Variants in SGCZ observed in about 807,000 individuals in gnomAD.
SGCZ encodes zeta-sarcoglycan.
A neutral mutation model predicts 41.3 loss-of-function variants in SGCZ; 40 were observed. The observed-to-expected ratio is 0.97, with a 90% CI of 0.75 to 1.26. SGCZ has a LOEUF of 1.26. Ranked by LOEUF, SGCZ falls within the 50% of genes most tolerant of loss-of-function variation. The pLI, the probability that SGCZ is intolerant of heterozygous loss-of-function variation, is 0.00. For missense variants in SGCZ, 552 were observed against 369.8 expected, an observed-to-expected ratio of 1.49 and a Z score of -4.04; for synonymous variants, 206 against 137.5, an observed-to-expected ratio of 1.50 and a Z score of -3.49.
chr8:14,821,528 G>T (rs1182228317), intron 1 of SGCZ, among the ~76,000 whole-genome samples: 1 of 151,698 alleles, frequency 6.6e-6, no homozygotes, highest in Non-Finnish European at 1.5e-5. Flanking sequence ...TATAATATAG[G>T]CTAATATCCC....
chr8:14,563,426 C>G (rs1804267543), intron 1 of SGCZ, among the ~76,000 whole-genome samples: 1 of 152,100 alleles, frequency 6.6e-6, no homozygotes, highest in South Asian at 2.1e-4. Flanking sequence ...AGAAAAAAGT[C>G]GTTAAGGAAA....
At chr8:15,236,726 G>C (rs1043067224) in intron 1 of SGCZ, among the ~76,000 whole-genome samples, 1 of 152,180 alleles carries the variant, frequency 6.6e-6, no homozygotes, top group Non-Finnish European at 1.5e-5. Flanking sequence ...ATAGGCAGAG[G>C]GGCGCGTTGT....
chr8:14,542,075 G>C (rs949756309), intron 2 of SGCZ, among the ~76,000 whole-genome samples: 2 of 152,142 alleles, frequency 1.3e-5, no homozygotes, highest in Non-Finnish European at 2.9e-5. Context: ...CTCCCATTCT[G>C]TAGGTTGCCT....
chr8:14,436,010 T>C (rs1800080254), intron 2 of SGCZ, among the ~76,000 whole-genome samples: 1 of 152,098 alleles, frequency 6.6e-6, no homozygotes, highest in Non-Finnish European at 1.5e-5. Context: ...ATAAAGGAAG[T>C]AGGATTACTA....
chr8:14,544,552 G>A (rs1803566633), intron 2 of SGCZ, among the ~76,000 whole-genome samples: 1 of 152,032 alleles, frequency 6.6e-6, no homozygotes, highest in African/African-American at 2.4e-5. Context: ...CCCTGGGAAA[G>A]GAATGCGTTC....
At chr8:14,458,594 T>C (rs11992616) in intron 2 of SGCZ, among the ~76,000 whole-genome samples, 6,225 of 152,248 alleles carry the variant, frequency 0.041, 401 homozygotes, top group African/African-American at 0.14. Context: ...GTTTTAAAAA[T>C]ACAGATAAAT....
At chr8:14,724,330 CT>C (rs1183206651) in intron 1 of SGCZ, among the ~76,000 whole-genome samples, 2 of 150,220 alleles carry the variant, frequency 1.3e-5, no homozygotes, top group Admixed American at 1.3e-4. Flanking sequence ...TATATGTGTT[CT>C]AATTATTTTT....
At chr8:15,064,262 C>A (rs75408224) in intron 1 of SGCZ, among the ~76,000 whole-genome samples, 10,168 of 152,102 alleles carry the variant, frequency 0.067, 483 homozygotes, top group African/African-American at 0.12. Context: ...ACATATGAAG[C>A]AGAATTCATC....
chr8:14,174,825 C>T (rs1331693899), intron 4 of SGCZ, among the ~76,000 whole-genome samples: 2 of 152,068 alleles, frequency 1.3e-5, no homozygotes, highest in African/African-American at 4.8e-5. Context: ...ACAAAGGTGT[C>T]AGCATAAATG....
rs1408574493 is a variant in SGCZ at position 14,784,913 on chromosome 8, A to AAAAATAT, written c.40-229988_40-229987insATATTTT. ...GTGAAACTCTGCCTCAAAAAAAAAA[A>AAAAATAT]ATATATATATATATATATATAAAAT... On this transcript the variant is annotated intron_variant, in intron 1 of 7. Transcript: ENST00000382080. Among the ~76,000 whole-genome samples, 105 of 88,016 alleles carry AAAAATAT rather than the reference A, an allele frequency of 1.2e-3. 4 individuals are homozygous for AAAAATAT. The highest frequency in any genetic ancestry group is 1.6e-3 in the Non-Finnish European group (74 of 47,428). 57.7% of individuals were successfully genotyped at this position (88,016 alleles called of 152,430 possible).
chr8:14,595,888 T>C (rs943740080), intron 1 of SGCZ, among the ~76,000 whole-genome samples: 1 of 152,086 alleles, frequency 6.6e-6, no homozygotes, highest in African/African-American at 2.4e-5. Flanking sequence ...TCTATGTCAG[T>C]TTAACTGAAG....
intron 4 of SGCZ, among the ~76,000 whole-genome samples, chr8:14,212,662 T>G (rs1805857207): frequency 6.6e-6 from 1 of 151,938 alleles, no homozygotes; most frequent in South Asian, 2.1e-4. Context: ...AATTTAAAAT[T>G]TGAAAATTAC....
Position 14,136,457 on chromosome 8 carries a change from CT to C in SGCZ, c.547+28122del, listed in dbSNP as rs566998139. Reference sequence around the variant, plus strand: ...GGGACACTCCTGCCCTAATACTGCGCTTTTCCAATGGTCTTAGCAAATGGCA... The same window carrying C: ...GGGACACTCCTGCCCTAATACTGCGCTTTCCAATGGTCTTAGCAAATGGCA... On this transcript the variant is annotated intron_variant, in intron 5 of 7. Coordinates refer to ENST00000382080, the MANE Select transcript of SGCZ (RefSeq NM_139167.4). Among the ~76,000 whole-genome samples, 958 of 152,316 alleles carry C rather than the reference CT, an allele frequency of 6.3e-3. 10 individuals are homozygous for C. Among genetic ancestry groups the C allele is most frequent in the African/African-American group, 0.022 (921 of 41,566 alleles).
chr8:15,108,510 C>G (rs1309270367), intron 1 of SGCZ, among the ~76,000 whole-genome samples: 2 of 152,056 alleles, frequency 1.3e-5, no homozygotes, highest in Non-Finnish European at 2.9e-5. Context: ...AGTAAACAAC[C>G]ATTGAACAAC....
At chr8:15,165,954 G>A (rs1010638054) in intron 1 of SGCZ, among the ~76,000 whole-genome samples, 7 of 152,150 alleles carry the variant, frequency 4.6e-5, no homozygotes, top group Non-Finnish European at 2.9e-5. Context: ...AATTTTTAAA[G>A]GGTTGTAAAA....
chr8:14,993,224 T>C (rs1310861195), intron 1 of SGCZ, among the ~76,000 whole-genome samples: 2 of 152,180 alleles, frequency 1.3e-5, no homozygotes, highest in Non-Finnish European at 2.9e-5. Context: ...CCATTATTCT[T>C]GTATGCCAGG....
At chr8:14,395,684 T>G (rs185695270) in intron 2 of SGCZ, among the ~76,000 whole-genome samples, 2 of 152,236 alleles carry the variant, frequency 1.3e-5, no homozygotes, top group East Asian at 3.9e-4. Context: ...CCTGACCCAT[T>G]TTCCAAACTT....
chr8:14,927,357 C>A (rs1383781464), intron 1 of SGCZ, among the ~76,000 whole-genome samples: 1 of 152,028 alleles, frequency 6.6e-6, no homozygotes, highest in East Asian at 1.9e-4. Flanking sequence ...GATCCGCCCG[C>A]CTCGGCCTCC....
intron 2 of SGCZ, among the ~76,000 whole-genome samples, chr8:14,435,312 T>C (rs1242547440): frequency 6.6e-6 from 1 of 152,168 alleles, no homozygotes; most frequent in Admixed American, 6.5e-5. Context: ...ATCCCAATCA[T>C]CATTTAGGGT....
Sources: gnomAD v4.1 joint callset for allele counts (sites outside exome capture counted in the v4.1 genomes callset) on GRCh38, gnomAD v4.1.1 for gene constraint, MANE v1.5 for transcripts, NCBI Gene and HGNC (gene_info 2026-07-23, HGNC 2026-07-21) for gene names.